SLC39A11: variants seen among roughly 807,000 people sequenced by gnomAD.
SLC39A11 encodes solute carrier family 39 member 11.
A neutral mutation model predicts 36.1 loss-of-function variants in SLC39A11; 33 were observed. The observed-to-expected ratio is 0.91, with a 90% CI of 0.69 to 1.22. SLC39A11 has a LOEUF of 1.22. Among genes scored for constraint, SLC39A11 ranks in the 50% most tolerant of loss-of-function variants. The probability of loss-of-function intolerance (pLI) is 0.00; values close to 1 mark genes in which losing one functional copy is unlikely to be tolerated. For missense variants in SLC39A11, 432 were observed against 430.3 expected (o/e 1.00, Z -0.03); for synonymous variants, 166 against 170.3 (o/e 0.97, Z 0.20).
chr17:72,648,191 G>A (rs552123988), intron 9 of SLC39A11, among the ~76,000 whole-genome samples: 8 of 151,808 alleles, frequency 5.3e-5, no homozygotes, highest in African/African-American at 1.2e-4. Flanking sequence ...TTAGCTGGGC[G>A]TAGTGGTGGT....
intron 6 of SLC39A11, among the ~76,000 whole-genome samples, chr17:72,745,829 A>C (rs2074912934): frequency 6.6e-6 from 1 of 152,208 alleles, no homozygotes; most frequent in African/African-American, 2.4e-5. Context: ...GATTTAAAAA[A>C]GTATTTAAAT....
intron 5 of SLC39A11, among the ~76,000 whole-genome samples, chr17:72,939,654 T>A (rs1231867139): frequency 6.6e-6 from 1 of 152,038 alleles, no homozygotes; most frequent in Admixed American, 6.6e-5. Flanking sequence ...TGGGCAGAGA[T>A]TGAATTGATG....
chr17:72,672,284 A>T (rs1419166394), intron 7 of SLC39A11, among the ~76,000 whole-genome samples: 1 of 152,244 alleles, frequency 6.6e-6, no homozygotes, highest in East Asian at 1.9e-4. Flanking sequence ...CCTTGACTCT[A>T]CTAAAAATAC....
chr17:72,863,692 T>C (rs2080157749), intron 5 of SLC39A11, among the ~76,000 whole-genome samples: 1 of 152,176 alleles, frequency 6.6e-6, no homozygotes, highest in African/African-American at 2.4e-5. Flanking sequence ...CAGTAAGCCT[T>C]GTAGAATCGC....
At chr17:73,032,432 C>T (rs2058767631) in intron 3 of SLC39A11, among the ~76,000 whole-genome samples, 1 of 152,122 alleles carries the variant, frequency 6.6e-6, no homozygotes, top group South Asian at 2.1e-4. Context: ...GTCTCAAACT[C>T]TTGAACTCAG....
chr17:72,768,356 G>A (rs1383920568), intron 6 of SLC39A11, among the ~76,000 whole-genome samples: 3 of 152,196 alleles, frequency 2.0e-5, no homozygotes, highest in Non-Finnish European at 2.9e-5. Flanking sequence ...AAGCCCAGGA[G>A]TAGTTAAGGA....
chr17:72,928,141 A>G (rs887795074), intron 5 of SLC39A11, among the ~76,000 whole-genome samples: 1 of 152,238 alleles, frequency 6.6e-6, no homozygotes, highest in African/African-American at 2.4e-5. Flanking sequence ...ACTATAAAAG[A>G]AAACAAGTAT....
intron 6 of SLC39A11, among the ~76,000 whole-genome samples, chr17:72,775,268 C>T (rs565952227): frequency 4.9e-4 from 74 of 152,316 alleles, no homozygotes; most frequent in African/African-American, 1.7e-3. Context: ...GCTGAGGTGC[C>T]CCACTGGCCA....
chr17:72,962,766 C>T (rs995127074), intron 4 of SLC39A11, among the ~76,000 whole-genome samples: 1 of 152,140 alleles, frequency 6.6e-6, no homozygotes, highest in Non-Finnish European at 1.5e-5. Flanking sequence ...CGAACTCCTG[C>T]CCTCAGGTGG....
intron 4 of SLC39A11, among the ~76,000 whole-genome samples, chr17:73,029,738 C>G (rs1272084680): frequency 1.3e-5 from 2 of 152,062 alleles, no homozygotes; most frequent in Non-Finnish European, 2.9e-5. Flanking sequence ...CGCACCACCA[C>G]ACCCAGCTAA....
rs986233444 is a variant in SLC39A11 at position 72,646,648 on chromosome 17, A to G, written c.*936T>C. On this transcript the variant is annotated 3_prime_UTR_variant, in exon 10 of 10. Coordinates refer to ENST00000255559, the MANE Select transcript of SLC39A11 (RefSeq NM_139177.4). ...AGGGAAGGACCCACAGCAGATTCCA[A>G]AACTCTTTCATTCACTTGAGTTAAC... The G allele has an allele frequency of 6.6e-6, 1 of 152,620 alleles. No homozygotes were observed. The highest frequency in any genetic ancestry group is 2.4e-5 in the African/African-American group (1 of 41,446). 9.5% of individuals were successfully genotyped at this position (152,620 alleles called of 1,614,324 possible).
chr17:72,649,147 C>T (rs2143832290), intron 8 of SLC39A11, 23 bp downstream of exon 8: 1 of 1,605,480 alleles, frequency 6.2e-7, no homozygotes, highest in Non-Finnish European at 8.5e-7. Flanking sequence ...TGTGACATGG[C>T]CTTGCCCTTG....
At chr17:72,822,817 C>T (rs759719672) in intron 6 of SLC39A11, among the ~76,000 whole-genome samples, 1 of 151,060 alleles carries the variant, frequency 6.6e-6, no homozygotes, top group Non-Finnish European at 1.5e-5. Flanking sequence ...TGGGCTCAAG[C>T]AATCCTCTCA....
intron 7 of SLC39A11, among the ~76,000 whole-genome samples, chr17:72,696,080 C>T (rs996227872): frequency 2.0e-5 from 3 of 152,062 alleles, no homozygotes; most frequent in Non-Finnish European, 2.9e-5. Context: ...AAAGAGTCTG[C>T]AAGGAGAGAC....
intron 6 of SLC39A11, among the ~76,000 whole-genome samples, chr17:72,742,252 A>T (rs962775062): frequency 4.6e-5 from 7 of 152,054 alleles, no homozygotes; most frequent in Admixed American, 2.0e-4. Context: ...TGAGAGCTGA[A>T]TTTCAGGGCA....
intron 3 of SLC39A11, among the ~76,000 whole-genome samples, chr17:73,071,980 G>A (rs748791124): frequency 1.1e-4 from 16 of 152,062 alleles, no homozygotes; most frequent in Non-Finnish European, 1.6e-4. Flanking sequence ...ACGAAAGAAC[G>A]AATGAATAAA....
At chr17:72,655,493 C>T (rs2070069320) in intron 7 of SLC39A11, among the ~76,000 whole-genome samples, 1 of 152,240 alleles carries the variant, frequency 6.6e-6, no homozygotes, top group South Asian at 2.1e-4. Context: ...ATTGGGCCCC[C>T]TGTGTGCAGA....
chr17:72,758,800 T>C (rs545370445), intron 6 of SLC39A11, among the ~76,000 whole-genome samples: 1 of 152,322 alleles, frequency 6.6e-6, no homozygotes, highest in East Asian at 1.9e-4. Context: ...CCCAGATCGG[T>C]TGATACTTGC....
chr17:73,077,593 G>T (rs1043475080), intron 3 of SLC39A11, among the ~76,000 whole-genome samples: 1 of 152,224 alleles, frequency 6.6e-6, no homozygotes, highest in African/African-American at 2.4e-5. Context: ...CTCCCAAAGT[G>T]CTGGGATTAT....
Sources: gnomAD v4.1 joint callset for allele counts (sites outside exome capture counted in the v4.1 genomes callset) on GRCh38, gnomAD v4.1.1 for gene constraint, MANE v1.5 for transcripts, NCBI Gene and HGNC (gene_info 2026-07-23, HGNC 2026-07-21) for gene names.